CNTNAP5: variants seen among roughly 807,000 people sequenced by gnomAD.
CNTNAP5 encodes contactin associated protein family member 5, also known as contactin-associated protein-like 5.
A neutral mutation model predicts 150.2 loss-of-function variants in CNTNAP5; 72 were observed. The ratio of observed to expected loss-of-function variants is 0.48; its 90% CI spans 0.40 to 0.58. The LOEUF (loss-of-function observed/expected upper bound fraction) is 0.58, where lower values mean the gene tolerates loss of function less well. Ranked by LOEUF, CNTNAP5 falls within the 20% of genes least tolerant of loss-of-function variation. The pLI, the probability that CNTNAP5 is intolerant of heterozygous loss-of-function variation, is 0.00. For synonymous variants in CNTNAP5, 672 were observed against 619.8 expected (o/e 1.08, Z -1.25); for missense variants, 1,636 against 1,626.2 (o/e 1.01, Z -0.10).
intron 19 of CNTNAP5, among the ~76,000 whole-genome samples, chr2:124,813,949 C>A (rs1682294046): frequency 6.6e-6 from 1 of 151,892 alleles, no homozygotes; most frequent in Non-Finnish European, 1.5e-5. Flanking sequence ...TTCTCCCAAC[C>A]TCTAGGCCTG....
chr2:124,312,142 T>C (rs556753970), intron 3 of CNTNAP5, among the ~76,000 whole-genome samples: 5 of 152,322 alleles, frequency 3.3e-5, no homozygotes, highest in African/African-American at 1.2e-4. Context: ...CAGCATTTCA[T>C]ATGGGGGCTC....
intron 19 of CNTNAP5, among the ~76,000 whole-genome samples, chr2:124,857,198 A>G (rs1677393347): frequency 6.6e-6 from 1 of 152,074 alleles, no homozygotes; most frequent in Non-Finnish European, 1.5e-5. Context: ...GTGCAGCTCT[A>G]CATTTTTTTT....
intron 13 of CNTNAP5, among the ~76,000 whole-genome samples, chr2:124,678,833 C>T (rs889878983): frequency 3.9e-5 from 6 of 151,940 alleles, no homozygotes. Context: ...TGCTTCTTCA[C>T]CAGAAGATAA....
chr2:124,388,686 T>TA (rs1690997765), intron 3 of CNTNAP5, among the ~76,000 whole-genome samples: 2 of 152,156 alleles, frequency 1.3e-5, no homozygotes, highest in Non-Finnish European at 2.9e-5. Flanking sequence ...ACGGGGCCTT[T>TA]TTTTTCTTTT....
chr2:124,464,360 A>AT lies in CNTNAP5; in HGVS notation c.919-10373dup, dbSNP rs1558914376. Among the ~76,000 whole-genome samples, 3 of 152,210 alleles carry AT rather than the reference A, an allele frequency of 2.0e-5. No individual in the cohort carries two copies. In the East Asian group the frequency reaches 5.8e-4, roughly 29 times the overall value. On this transcript the variant is annotated intron_variant, in intron 6 of 23. Transcript: ENST00000682447. ...CACTGGCAAAAAAGAAATAGGATAA[A>AT]TTTTTTGCAGAAAAAAGAAGGACAC...
chr2:124,302,975 G>T (rs938364817), intron 3 of CNTNAP5, among the ~76,000 whole-genome samples: 2 of 152,076 alleles, frequency 1.3e-5, no homozygotes, highest in Non-Finnish European at 2.9e-5. Context: ...TTTGTTTTTT[G>T]TATTCTGACT....
intron 13 of CNTNAP5, among the ~76,000 whole-genome samples, chr2:124,688,656 A>C (rs1679240656): frequency 6.6e-6 from 1 of 152,096 alleles, no homozygotes; most frequent in Non-Finnish European, 1.5e-5. Context: ...ACATGCAGTT[A>C]GCTAGCAAGT....
At chr2:124,247,465 G>T (rs1374509632) in intron 3 of CNTNAP5, among the ~76,000 whole-genome samples, 1 of 152,132 alleles carries the variant, frequency 6.6e-6, no homozygotes, top group Non-Finnish European at 1.5e-5. Flanking sequence ...CAGAGAGGGT[G>T]TTCCTGGCAA....
In CNTNAP5 at chr2:124,874,738, G is replaced by T. The variant is rs187100073; in HGVS notation, c.3436+4976G>T. 6.5e-4 allele frequency among the ~76,000 whole-genome samples: 99 copies of T among 152,108 alleles called. 1 individual carries two copies. In the Middle Eastern group the frequency reaches 0.014, roughly 21 times the overall value. On this transcript the variant is annotated intron_variant, in intron 21 of 23. Transcript: ENST00000682447. ...AACAGGTTAAAGTTTAGGTGGAAAAGAATTATAGTACTGCCTTTAAACTAT... is the reference window on the plus strand; with the variant it reads ...AACAGGTTAAAGTTTAGGTGGAAAATAATTATAGTACTGCCTTTAAACTAT...
chr2:124,492,214 T>C (rs1367639851), intron 7 of CNTNAP5, among the ~76,000 whole-genome samples: 1 of 152,192 alleles, frequency 6.6e-6, no homozygotes, highest in East Asian at 1.9e-4. Flanking sequence ...GATATATTCA[T>C]CTATATTTTC....
chr2:124,357,045 C>G (rs1027075873), intron 3 of CNTNAP5, among the ~76,000 whole-genome samples: 1 of 152,272 alleles, frequency 6.6e-6, no homozygotes. Context: ...CTTTGCATTT[C>G]TCTGATGGCC....
At chr2:124,626,506 G>T (rs1461803996) in intron 12 of CNTNAP5, among the ~76,000 whole-genome samples, 1 of 152,102 alleles carries the variant, frequency 6.6e-6, no homozygotes, top group Non-Finnish European at 1.5e-5. Context: ...AAGGGAAATG[G>T]TGAGGGACTG....
intron 6 of CNTNAP5, among the ~76,000 whole-genome samples, chr2:124,449,623 G>C (rs1248987528): frequency 6.6e-6 from 1 of 152,150 alleles, no homozygotes; most frequent in Non-Finnish European, 1.5e-5. Flanking sequence ...AGTTGGAACT[G>C]ATTTCTTCAG....
intron 1 of CNTNAP5, among the ~76,000 whole-genome samples, chr2:124,217,418 G>C (rs1371198124): frequency 6.6e-6 from 1 of 152,126 alleles, no homozygotes; most frequent in Non-Finnish European, 1.5e-5. Flanking sequence ...GAGAGCACAG[G>C]TTTGCTTATT....
intron 1 of CNTNAP5, among the ~76,000 whole-genome samples, chr2:124,203,925 C>T (rs559318490): frequency 6.6e-6 from 1 of 152,278 alleles, no homozygotes; most frequent in South Asian, 2.1e-4. Flanking sequence ...ACATTTGGCG[C>T]CTTGTTACTT....
chr2:124,615,114 G>C (rs914197574), intron 12 of CNTNAP5, among the ~76,000 whole-genome samples: 4 of 152,202 alleles, frequency 2.6e-5, no homozygotes, highest in African/African-American at 7.2e-5. Context: ...GGAAAAAGAT[G>C]TTAGTGGCTG....
At chr2:124,455,412 A>C (rs1693096642) in intron 6 of CNTNAP5, among the ~76,000 whole-genome samples, 1 of 152,128 alleles carries the variant, frequency 6.6e-6, no homozygotes, top group Non-Finnish European at 1.5e-5. Context: ...TAATCAAAAA[A>C]TTACCAATAA....
At chr2:124,540,694 T>C (rs980069525) in intron 10 of CNTNAP5, among the ~76,000 whole-genome samples, 8 of 152,092 alleles carry the variant, frequency 5.3e-5, no homozygotes, top group African/African-American at 1.9e-4. Context: ...ATTCATTCAT[T>C]CATTCATTCT....
intron 11 of CNTNAP5, among the ~76,000 whole-genome samples, chr2:124,571,480 G>A (rs1374633578): frequency 7.0e-6 from 1 of 141,944 alleles, no homozygotes; most frequent in Non-Finnish European, 1.5e-5. Context: ...TATTCACAGA[G>A]ATGTCTAGGT....
Sources: allele counts gnomAD v4.1 joint callset (sites outside exome capture counted in the v4.1 genomes callset), GRCh38; gene constraint gnomAD v4.1.1; transcripts MANE v1.5; gene names NCBI Gene and HGNC (gene_info 2026-07-23, HGNC 2026-07-21).